Variants in CRYBG3 observed in about 807,000 individuals in gnomAD.
CRYBG3 encodes crystallin beta-gamma domain containing 3.
CRYBG3 carries 127 observed loss-of-function variants against 244.2 expected under a neutral mutation model. The ratio of observed to expected loss-of-function variants is 0.52; its 90% confidence interval spans 0.45 to 0.60. The LOEUF (loss-of-function observed/expected upper bound fraction) is 0.60. CRYBG3 is among the 20% of genes least tolerant of loss of function. CRYBG3 has a pLI of 0.00. For missense variants in CRYBG3, 3,325 were observed against 3,442.5 expected (o/e 0.97, Z 0.85); for synonymous variants, 1,132 against 1,195.8 (o/e 0.95, Z 1.10).
rs1440321423 is a variant in CRYBG3, at chr3:97,912,196, A to C, written c.8034A>C (p.Gln2678His). 1 of 1,603,992 alleles carries C rather than the reference A, an allele frequency of 6.2e-7. No individual in the cohort carries two copies. The highest frequency in any genetic ancestry group is 8.5e-7 in the Non-Finnish European group (1 of 1,174,914). Residue 2678 changes from glutamine (Q) to histidine (H), a missense_variant, in exon 16 of 22, where the codon CAA (glutamine) becomes CAC (histidine). Transcript: ENST00000389622. ...AAGCATTCAGCAAACCAGGGTTCCAAGGTGAATGTATAGATTTTACAGAAG... is the reference window on the plus strand; with the variant it reads ...AAGCATTCAGCAAACCAGGGTTCCACGGTGAATGTATAGATTTTACAGAAG... Reference protein sequence around the residue: ...LLKAFSKPGFQGECIDFTEET... With the variant: ...LLKAFSKPGFHGECIDFTEET...
chr3:97,928,188 G>T (rs2107089686), intron 17 of CRYBG3, among the ~76,000 whole-genome samples: 1 of 152,012 alleles, frequency 6.6e-6, no homozygotes, highest in African/African-American at 2.4e-5. Flanking sequence ...AGAAAATGTG[G>T]TACATAGCCA....
At chr3:97,915,464 T>C (rs2039918131) in intron 16 of CRYBG3, 146 bp from the exon 17 acceptor site, 8 of 609,772 alleles carry the variant, frequency 1.3e-5, no homozygotes, top group Non-Finnish European at 1.9e-5. Flanking sequence ...GTAGCTGTTG[T>C]GTTTTTTGTT....
intron 1 of CRYBG3, among the ~76,000 whole-genome samples, chr3:97,834,507 C>G (rs2038702961): frequency 1.3e-5 from 2 of 152,074 alleles, no homozygotes; most frequent in African/African-American, 4.8e-5. Context: ...TACTATGCTT[C>G]TTATGACAAA....
intron 16 of CRYBG3, 128 bp downstream of exon 16, chr3:97,912,404 ACTG>A: frequency 2.1e-6 from 1 of 469,352 alleles, no homozygotes; most frequent in Non-Finnish European, 3.8e-6. Context: ...TTACCTGCTA[ACTG>A]GTCTATATTA....
chr3:97,879,095 T>C (rs933195726), intron 4 of CRYBG3, among the ~76,000 whole-genome samples: 1 of 152,174 alleles, frequency 6.6e-6, no homozygotes, highest in Non-Finnish European at 1.5e-5. Context: ...AAGAAATATT[T>C]CTTTCATGGT....
At chr3:97,902,086 C>G (rs1420478356) in intron 15 of CRYBG3, among the ~76,000 whole-genome samples, 1 of 152,138 alleles carries the variant, frequency 6.6e-6, no homozygotes, top group Non-Finnish European at 1.5e-5. Context: ...CACGCTGGTT[C>G]CGTTCAATAA....
chr3:97,908,965 T>A (rs1575957357), intron 15 of CRYBG3, among the ~76,000 whole-genome samples: 1 of 152,204 alleles, frequency 6.6e-6, no homozygotes, highest in Non-Finnish European at 1.5e-5. Context: ...TCTCTCAGCA[T>A]ATGCTTGTCT....
chr3:97,915,219 A>G (rs979078378), intron 16 of CRYBG3, among the ~76,000 whole-genome samples: 3 of 152,194 alleles, frequency 2.0e-5, no homozygotes, highest in African/African-American at 7.2e-5. Flanking sequence ...GCACTAAATA[A>G]AAAGAATGTC....
chr3:97,887,098 C>T (rs2039517027), intron 8 of CRYBG3, among the ~76,000 whole-genome samples: 1 of 152,212 alleles, frequency 6.6e-6, no homozygotes, highest in Non-Finnish European at 1.5e-5. Flanking sequence ...CTGATAGTCA[C>T]TGACTGCCTC....
intron 10 of CRYBG3, 112 bp downstream of exon 10, chr3:97,889,502 G>T (rs1390269891): frequency 1.1e-6 from 1 of 902,854 alleles, no homozygotes; most frequent in East Asian, 2.5e-5. Context: ...ATTATACTTA[G>T]CTAATGGATT....
At position 97,873,160 on chromosome 3, in the gene CRYBG3, C is replaced by T. The variant is rs1427593123; in HGVS notation, c.1966C>T (p.Pro656Ser). The stretch of plus-strand genomic sequence containing the variant: ...TAAAAAACTAAATTTCAGTATTTCA[C>T]CTCCTACCTTTGTTTCTGGAGTTGG... ...DCKKLNFSIS[P>S]PTFVSGVGML... The change falls in exon 4 of 22, where the codon CCT becomes TCT. Residue 656 changes from proline (P) to serine (S), a missense_variant. Physicochemically the swap from Pro to Ser is moderately conservative, Grantham distance 74 (BLOSUM62 -1). Coordinates refer to ENST00000389622, the MANE Select transcript of CRYBG3 (RefSeq NM_153605.4). The T allele has an allele frequency of 2.6e-6, 4 of 1,535,718 alleles. No homozygotes were observed. The Admixed American group carries it at 5.9e-5, about 23-fold the overall frequency.
In CRYBG3 at chr3:97,876,697, G is replaced by C. The variant is rs761360905; in HGVS notation, c.5503G>C (p.Ala1835Pro). The C allele has an allele frequency of 8.8e-5, 110 of 1,244,578 alleles. No individual in the cohort carries two copies. Among genetic ancestry groups the C allele is most frequent in the Non-Finnish European group, 1.1e-4 (108 of 995,974 alleles). The allele number at this position is 1,244,578 out of a possible 1,614,324, so 77.1% of individuals were successfully genotyped here. The change falls in exon 4 of 22, where the codon GCA (alanine) becomes CCA (proline). Residue 1835 changes from alanine to proline, a missense_variant. Ala to Pro is a conservative substitution (Grantham distance 27). This residue lies in a region of CRYBG3 where 635 missense variants were observed against 771.7 expected (regional missense o/e 0.82). Transcript: ENST00000389622. ...CKRDVKETIG[A>P]TVSTPSVIEM... ...GAGAGATGTTAAAGAGACTATTGGA[G>C]CAACTGTGTCCACACCCTCTGTGAT...
At chr3:97,925,572 AG>A (rs752503482) in intron 17 of CRYBG3, among the ~76,000 whole-genome samples, 6 of 152,094 alleles carry the variant, frequency 3.9e-5, no homozygotes, top group Non-Finnish European at 8.8e-5. Context: ...CAAGGAAAGC[AG>A]GCTACTAAAG....
intron 15 of CRYBG3, among the ~76,000 whole-genome samples, chr3:97,911,822 C>T (rs1220534475): frequency 6.6e-6 from 1 of 152,132 alleles, no homozygotes; most frequent in Admixed American, 6.6e-5. Context: ...CAACATAGGG[C>T]ATAATGATTT....
At chr3:97,900,111 G>A (rs183795481) in intron 14 of CRYBG3, among the ~76,000 whole-genome samples, 33 of 152,018 alleles carry the variant, frequency 2.2e-4, no homozygotes, top group Admixed American at 2.0e-3. Context: ...CACTTTGGGA[G>A]GCCAAGGTAA....
Position 97,876,720 on chromosome 3 carries a change from G to T in CRYBG3, c.5526G>T (p.Val1842=), listed in dbSNP as rs1576538849. 1 of 1,257,636 alleles carries T rather than the reference G, an allele frequency of 8.0e-7. No individual in the cohort carries two copies. The highest frequency in any genetic ancestry group is 3.0e-5 in the East Asian group (1 of 32,878). The allele number at this position is 1,257,636 out of a possible 1,614,324, so 77.9% of individuals were successfully genotyped here. A position where few individuals can be genotyped will look rare whatever the true frequency, so the allele number is the denominator to read the frequency against. The change falls in exon 4 of 22, where the codon GTG becomes GTT. Residue 1842 remains valine (V), a synonymous_variant. Coordinates refer to ENST00000389622, the MANE Select transcript of CRYBG3 (RefSeq NM_153605.4). The part of the protein sequence containing the change: ...TIGATVSTPS[V]IEMEKISPED... ...GAGCAACTGTGTCCACACCCTCTGT[G>T]ATAGAAATGGAAAAAATATCCCCAG...
intron 2 of CRYBG3, among the ~76,000 whole-genome samples, chr3:97,850,122 T>G (rs1254069093): frequency 6.6e-6 from 1 of 152,140 alleles, no homozygotes; most frequent in East Asian, 1.9e-4. Flanking sequence ...CTTCCTGCTA[T>G]TTCTGGAAGT....
chr3:97,838,919 G>A (rs1053547797), intron 1 of CRYBG3, among the ~76,000 whole-genome samples: 4 of 151,964 alleles, frequency 2.6e-5, no homozygotes, highest in Non-Finnish European at 4.4e-5. Context: ...TGTTGGATTC[G>A]TTTTCAGCCA....
intron 3 of CRYBG3, chr3:97,867,233 A>G (rs2039244635): frequency 6.6e-6 from 1 of 152,140 alleles, no homozygotes; most frequent in African/African-American, 2.4e-5. Flanking sequence ...TTTTGAAAAA[A>G]TTATTTACTA....
Sources: allele counts gnomAD v4.1 joint callset (sites outside exome capture counted in the v4.1 genomes callset), GRCh38; gene constraint gnomAD v4.1.1; regional missense constraint gnomAD v4.1.1; transcripts MANE v1.5; gene names NCBI Gene and HGNC (gene_info 2026-07-23, HGNC 2026-07-21).